CYB5A: variants seen among roughly 807,000 people sequenced by gnomAD.
The protein encoded by CYB5A is cytochrome b5.
Under a neutral mutation model 16.2 loss-of-function variants are expected in CYB5A, and 10 were observed. The observed-to-expected ratio is 0.62, with a 90% CI of 0.38 to 1.04. The LOEUF (loss-of-function observed/expected upper bound fraction) is 1.04. Ranked by LOEUF, CYB5A falls within the 50% of genes least tolerant of loss-of-function variation. The probability of loss-of-function intolerance (pLI) is 0.01; values close to 1 mark genes in which losing one functional copy is unlikely to be tolerated. For missense variants in CYB5A, 161 were observed against 165.9 expected, an observed-to-expected ratio of 0.97 and a Z score of 0.16; for synonymous variants, 62 against 57.0, an observed-to-expected ratio of 1.09 and a Z score of -0.40.
rs1568212408 is a variant in CYB5A at position 74,253,514 on chromosome 18, T to C, written c.*70A>G. ...AAGTGAAGGTTTCTGTCAGTTGAAGTAGTTAGCAATGGCTTCTTTTCTCCC... is the reference window on the plus strand; with the variant it reads ...AAGTGAAGGTTTCTGTCAGTTGAAGCAGTTAGCAATGGCTTCTTTTCTCCC... On this transcript the variant is annotated 3_prime_UTR_variant, in exon 5 of 5. Coordinates refer to ENST00000340533, the MANE Select transcript of CYB5A (RefSeq NM_148923.4). The C allele has an allele frequency of 4.5e-6, 4 of 883,124 alleles. No homozygotes were observed. Among genetic ancestry groups the C allele is most frequent in the Admixed American group, 1.8e-5 (1 of 54,698 alleles). 54.7% of individuals were successfully genotyped at this position (883,124 alleles called of 1,614,324 possible).
intron 1 of CYB5A, among the ~76,000 whole-genome samples, chr18:74,264,210 C>CAAAAA (rs59600245): frequency 6.9e-6 from 1 of 144,028 alleles, no homozygotes; most frequent in South Asian, 2.2e-4. Context: ...GACTCTGTCT[C>CAAAAA]AAAAAAAAAA....
intron 1 of CYB5A, among the ~76,000 whole-genome samples, chr18:74,270,786 C>A (rs1157619250): frequency 1.3e-5 from 2 of 152,128 alleles, no homozygotes; most frequent in South Asian, 2.1e-4. Context: ...GACTTGAGCA[C>A]CTTCGGGGTT....
chr18:74,258,665 A>G (rs979991959), intron 3 of CYB5A: 1 of 152,246 alleles, frequency 6.6e-6, no homozygotes, highest in African/African-American at 2.4e-5. Flanking sequence ...AGAAAGATAC[A>G]TCCAGAAAAA....
intron 3 of CYB5A, chr18:74,260,657 T>C (rs1790819): frequency 0.046 from 24,257 of 531,306 alleles, 1,904 homozygotes; most frequent in African/African-American, 0.23. Flanking sequence ...GCTCTTCAAA[T>C]GGTATATATT....
At chr18:74,260,673 T>C (rs1982162103) in intron 3 of CYB5A, 2 of 582,654 alleles carry the variant, frequency 3.4e-6, no homozygotes, top group South Asian at 1.5e-5. Flanking sequence ...ATATTGATAA[T>C]TATGATGAAA....
intron 3 of CYB5A, 78 bp downstream of exon 3, chr18:74,260,836 TA>T: frequency 8.0e-7 from 1 of 1,257,802 alleles, no homozygotes. Context: ...GTCAGGTAAA[TA>T]AAAACCCTCT....
At position 74,284,534 on chromosome 18, in the gene CYB5A, A is replaced by G. The variant is rs115749084; in HGVS notation, c.129+7213T>C. ...CCTGGCTAATTCTGGACACAGCTGC[A>G]CAAAGCTTAATGAATAGGTCTGCCA... is the stretch of plus-strand genomic sequence containing the variant. On this transcript the variant is annotated intron_variant, in intron 1 of 4. Transcript: ENST00000340533. Among the ~76,000 whole-genome samples the G allele has an allele frequency of 7.5e-3, 1,144 of 152,330 alleles. 5 individuals are homozygous for G. Among genetic ancestry groups the G allele is most frequent in the South Asian group, 0.044 (213 of 4,826 alleles).
chr18:74,253,564 G>A lies in CYB5A; in HGVS notation c.*20C>T, dbSNP rs774890553. On this transcript the variant is annotated 3_prime_UTR_variant, in exon 5 of 5. Coordinates refer to ENST00000340533, the MANE Select transcript of CYB5A (RefSeq NM_148923.4). ...CGTGTCCAAAGCAGGCTCTTCCTGCGCTGACTTCTGAGGAGGTGTTCAGTC... is the reference window on the plus strand; with the variant it reads ...CGTGTCCAAAGCAGGCTCTTCCTGCACTGACTTCTGAGGAGGTGTTCAGTC... 1.3e-5 allele frequency: 20 copies of A among 1,568,360 alleles called. No individual in the cohort carries two copies. Among genetic ancestry groups the A allele is most frequent in the Non-Finnish European group, 1.4e-5 (16 of 1,139,542 alleles).
At chr18:74,256,121 C>T (rs1981969828) in intron 3 of CYB5A, 1 of 219,092 alleles carries the variant, frequency 4.6e-6, no homozygotes, top group Non-Finnish European at 9.0e-6. Context: ...CCCACGTCAC[C>T]TTTAGAAAAA....
At chr18:74,257,412 GT>G (rs1982028513) in intron 3 of CYB5A, 1 of 155,972 alleles carries the variant, frequency 6.4e-6, no homozygotes, top group Non-Finnish European at 1.4e-5. Context: ...GTTAAAGGAA[GT>G]TTGAATTACC....
At position 74,252,884 on chromosome 18, in the gene CYB5A, G is replaced by A; in HGVS notation, c.*700C>T. On this transcript the variant is annotated 3_prime_UTR_variant, in exon 5 of 5. Coordinates refer to ENST00000340533, the MANE Select transcript of CYB5A (RefSeq NM_148923.4). ...ACGCCCTGCTAATTTTGTATTTTTA[G>A]TAGAGACAGGGTTTCACCATGTTGG... is the stretch of plus-strand genomic sequence containing the variant. 1 of 152,280 alleles carries A rather than the reference G, an allele frequency of 6.6e-6. No homozygotes were observed. The highest frequency in any genetic ancestry group is 1.5e-5 in the Non-Finnish European group (1 of 68,182). 9.4% of individuals were successfully genotyped at this position (152,280 alleles called of 1,614,324 possible). A position where few individuals can be genotyped will look rare whatever the true frequency, so the allele number is the denominator to read the frequency against.
chr18:74,255,958 A>G, intron 3 of CYB5A, 183 bp from the exon 4 acceptor site: 1 of 589,222 alleles, frequency 1.7e-6, no homozygotes, highest in South Asian at 2.1e-5. Context: ...CTTCCAGAGT[A>G]AAACATTTTA....
intron 1 of CYB5A, among the ~76,000 whole-genome samples, chr18:74,278,777 A>G (rs2145072817): frequency 6.6e-6 from 1 of 152,374 alleles, no homozygotes; most frequent in Non-Finnish European, 1.5e-5. Flanking sequence ...TGAAAAAGAG[A>G]AACAAAATTC....
At chr18:74,290,903 G>A (rs1471984673) in intron 1 of CYB5A, 1 of 122,218 alleles carries the variant, frequency 8.2e-6, no homozygotes, top group Admixed American at 7.7e-5. Flanking sequence ...AAAGCTGTTA[G>A]GGGCGAGTCC....
At chr18:74,260,639 A>G in intron 3 of CYB5A, 1 of 487,710 alleles carries the variant, frequency 2.1e-6, no homozygotes, top group Non-Finnish European at 3.9e-6. Context: ...GTGCTACCAT[A>G]AAAAGTAGCT....
At chr18:74,288,298 A>G (rs1015920337) in intron 1 of CYB5A, among the ~76,000 whole-genome samples, 2 of 152,220 alleles carry the variant, frequency 1.3e-5, no homozygotes, top group African/African-American at 4.8e-5. Flanking sequence ...GAACACGGAC[A>G]TGCACATAAA....
chr18:74,285,307 T>G (rs1167136479), intron 1 of CYB5A, among the ~76,000 whole-genome samples: 2 of 152,256 alleles, frequency 1.3e-5, no homozygotes, highest in African/African-American at 4.8e-5. Flanking sequence ...TGTAGTCAGC[T>G]GCTGCCTCCG....
intron 1 of CYB5A, among the ~76,000 whole-genome samples, chr18:74,285,750 A>G (rs1416408468): frequency 2.0e-5 from 3 of 150,708 alleles, no homozygotes; most frequent in East Asian, 4.0e-4. Flanking sequence ...GGTCCCAGCT[A>G]TTCCAGAGGG....
In CYB5A at chr18:74,270,018, T is replaced by C. The variant is rs114542583; in HGVS notation, c.130-6541A>G. 8.3e-3 allele frequency among the ~76,000 whole-genome samples: 1,268 copies of C among 152,212 alleles called. 4 individuals carry two copies. Among genetic ancestry groups the C allele is most frequent in the South Asian group, 0.037 (178 of 4,824 alleles). Reference sequence around the variant, plus strand: ...TCAGTGATATTCTAACAGTAACACGTTCCCACTGCTGTTAACAAACATCCA... The same window carrying C: ...TCAGTGATATTCTAACAGTAACACGCTCCCACTGCTGTTAACAAACATCCA... On this transcript the variant is annotated intron_variant, in intron 1 of 4. Coordinates refer to ENST00000340533, the MANE Select transcript of CYB5A (RefSeq NM_148923.4).
Sources: gnomAD v4.1 joint callset for allele counts (sites outside exome capture counted in the v4.1 genomes callset) on GRCh38, gnomAD v4.1.1 for gene constraint, MANE v1.5 for transcripts, NCBI Gene and HGNC (gene_info 2026-07-23, HGNC 2026-07-21) for gene names.